Variants in CLNK observed in about 807,000 individuals in gnomAD.
CLNK encodes cytokine-dependent hematopoietic cell linker.
In CLNK, 74 loss-of-function variants were observed where a neutral mutation model predicts 68.6. The ratio of observed to expected loss-of-function variants is 1.08; its 90% CI spans 0.89 to 1.31. The LOEUF (loss-of-function observed/expected upper bound fraction) is 1.31, where lower values mean the gene tolerates loss of function less well. CLNK is among the 50% of genes most tolerant of loss of function. CLNK has a pLI of 0.00. For synonymous variants in CLNK, 198 were observed against 172.2 expected (o/e 1.15, Z -1.17); for missense variants, 553 against 515.3 (o/e 1.07, Z -0.71).
intron 2 of CLNK, among the ~76,000 whole-genome samples, chr4:10,607,601 T>C (rs1257835611): frequency 6.6e-6 from 1 of 152,234 alleles, no homozygotes; most frequent in East Asian, 1.9e-4. Flanking sequence ...TGGCAATATG[T>C]CTGTAGCACA....
At chr4:10,627,944 G>T (rs190678162) in intron 2 of CLNK, among the ~76,000 whole-genome samples, 1 of 150,170 alleles carries the variant, frequency 6.7e-6, no homozygotes, top group South Asian at 2.1e-4. Context: ...TCCCCTGCAG[G>T]GTTCTGCTGC....
chr4:10,734,111 T>C, the CLNK span, among the ~76,000 whole-genome samples: 1 of 152,208 alleles, frequency 6.6e-6, no homozygotes, highest in African/African-American at 2.4e-5. Flanking sequence ...TTATCTCATT[T>C]TTTTCCCTAG....
At chr4:10,571,342 T>A (rs1368860525) in intron 5 of CLNK, among the ~76,000 whole-genome samples, 7 of 143,866 alleles carry the variant, frequency 4.9e-5, no homozygotes, top group Non-Finnish European at 9.1e-5. Flanking sequence ...TTTTTTTTTT[T>A]TTTTTTTTTG....
At chr4:10,649,472 A>G (rs1037298105) in intron 2 of CLNK, among the ~76,000 whole-genome samples, 6 of 152,208 alleles carry the variant, frequency 3.9e-5, no homozygotes, top group African/African-American at 1.4e-4. Context: ...GCCTGGCAGA[A>G]CATGGGAGAC....
chr4:10,704,141 GA>G, the CLNK span, among the ~76,000 whole-genome samples: 1 of 151,802 alleles, frequency 6.6e-6, no homozygotes, highest in Non-Finnish European at 1.5e-5. Context: ...AAGAAGGGAG[GA>G]AAAAAGAACA....
upstream of CLNK, among the ~76,000 whole-genome samples, chr4:10,689,170 C>A (rs1052821869): frequency 6.6e-6 from 1 of 151,496 alleles, no homozygotes; most frequent in East Asian, 1.9e-4. Context: ...AGGTCTTACT[C>A]TGTCACCCAG....
intron 5 of CLNK, among the ~76,000 whole-genome samples, chr4:10,566,636 T>C (rs1194550050): frequency 2.0e-5 from 3 of 152,224 alleles, no homozygotes; most frequent in African/African-American, 2.4e-5. Flanking sequence ...TTCTATATGC[T>C]AGTAATGACA....
At chr4:10,591,837 G>T (rs1721189323) in intron 3 of CLNK, among the ~76,000 whole-genome samples, 1 of 152,146 alleles carries the variant, frequency 6.6e-6, no homozygotes, top group African/African-American at 2.4e-5. Context: ...TGAATCCATG[G>T]GTTCATTCTT....
intron 10 of CLNK, among the ~76,000 whole-genome samples, chr4:10,541,191 G>C (rs543929469): frequency 6.9e-6 from 1 of 144,284 alleles, no homozygotes; most frequent in South Asian, 2.2e-4. Context: ...TCCAGCCTGG[G>C]CGACAGAGCC....
chr4:10,720,033 A>G, the CLNK span, among the ~76,000 whole-genome samples: 1 of 152,166 alleles, frequency 6.6e-6, no homozygotes, highest in East Asian at 1.9e-4. Flanking sequence ...GTAACATAAA[A>G]ACTTTGTAGG....
intron 2 of CLNK, among the ~76,000 whole-genome samples, chr4:10,613,121 T>G (rs6448136): frequency 6.6e-6 from 1 of 152,092 alleles, no homozygotes; most frequent in Non-Finnish European, 1.5e-5. Context: ...GAAAAGGATC[T>G]CTATCCATGG....
At chr4:10,564,866 T>G in intron 6 of CLNK, 89 bp from the exon 7 acceptor site, 1 of 799,602 alleles carries the variant, frequency 1.3e-6, no homozygotes, top group South Asian at 1.5e-5. Flanking sequence ...ACAAACTCAT[T>G]GGATCATTAC....
rs71181047 is a variant in CLNK at position 10,610,033 on chromosome 4, G to GTTTTTTTTTTTTTTTT, written c.12-12000_12-11985dup. On this transcript the variant is annotated intron_variant, in intron 2 of 18. Transcript: ENST00000226951. ...TTATGTGCCTTTTAAATGAATGCTC[G>GTTTTTTTTTTTTTTTT]TTTTTTTTTTTTTTTTTTTTTTTTT... is the stretch of plus-strand genomic sequence containing the variant. Among the ~76,000 whole-genome samples the GTTTTTTTTTTTTTTTT allele has an allele frequency of 5.4e-5, 4 of 73,448 alleles. 1 individual carries two copies. Among genetic ancestry groups the GTTTTTTTTTTTTTTTT allele is most frequent in the African/African-American group, 1.9e-4 (3 of 15,530 alleles). The allele number at this position is 73,448 out of a possible 152,430, so 48.2% of individuals were successfully genotyped here. A position where few individuals can be genotyped will look rare whatever the true frequency, so the allele number is the denominator to read the frequency against.
intron 2 of CLNK, among the ~76,000 whole-genome samples, chr4:10,637,103 A>G (rs1009478481): frequency 6.6e-6 from 1 of 152,066 alleles, no homozygotes; most frequent in African/African-American, 2.4e-5. Context: ...GCAAATAAAC[A>G]TGTTTCTATC....
the CLNK span, among the ~76,000 whole-genome samples, chr4:10,725,584 G>T: frequency 9.9e-5 from 15 of 152,088 alleles, no homozygotes; most frequent in Non-Finnish European, 2.2e-4. Context: ...CATTCTGTAG[G>T]ACATTTAGAA....
intron 2 of CLNK, among the ~76,000 whole-genome samples, chr4:10,650,492 T>TA (rs1311181336): frequency 6.6e-6 from 1 of 152,132 alleles, no homozygotes; most frequent in Non-Finnish European, 1.5e-5. Context: ...GAGAAGATTT[T>TA]AAAAGCATCC....
chr4:10,650,378 C>A (rs544858834), intron 2 of CLNK, among the ~76,000 whole-genome samples: 13 of 151,966 alleles, frequency 8.6e-5, no homozygotes, highest in Admixed American at 5.9e-4. Flanking sequence ...TGAAAAACAA[C>A]AAAATAGAGA....
chr4:10,714,832 C>T, the CLNK span, among the ~76,000 whole-genome samples: 1,642 of 152,076 alleles, frequency 0.011, 19 homozygotes, highest in South Asian at 0.015. Context: ...TTTTGTCAAG[C>T]CACTACATTA....
At chr4:10,668,783 G>C (rs1449867711) in intron 1 of CLNK, among the ~76,000 whole-genome samples, 1 of 152,144 alleles carries the variant, frequency 6.6e-6, no homozygotes, top group Non-Finnish European at 1.5e-5. Flanking sequence ...CCTGCAGGGA[G>C]GGAGCTGTGT....
Sources: allele counts gnomAD v4.1 joint callset (sites outside exome capture counted in the v4.1 genomes callset), GRCh38; gene constraint gnomAD v4.1.1; transcripts MANE v1.5; gene names NCBI Gene and HGNC (gene_info 2026-07-23, HGNC 2026-07-21).